Variants in TPO observed in about 807,000 individuals in gnomAD.
TPO encodes thyroid microsomal antigen.
TPO carries 78 observed loss-of-function variants against 96.9 expected under a neutral mutation model. That is an observed-to-expected ratio of 0.81 (90% CI 0.67 to 0.97). The LOEUF (loss-of-function observed/expected upper bound fraction) is 0.97, where lower values mean the gene tolerates loss of function less well. TPO is among the 50% of genes least tolerant of loss of function. TPO has a pLI of 0.00. For synonymous variants in TPO, 547 were observed against 538.0 expected (o/e 1.02, Z -0.23); for missense variants, 1,252 against 1,274.8 (o/e 0.98, Z 0.27).
chr2:1,535,841 T>C (rs1198249725), intron 15 of TPO, among the ~76,000 whole-genome samples: 2 of 75,430 alleles, frequency 2.7e-5, no homozygotes, highest in African/African-American at 6.7e-5. Context: ...CCCCAAACTG[T>C]GTGCAACCTC....
At chr2:1,495,576 G>A (rs1672237637) in intron 11 of TPO, among the ~76,000 whole-genome samples, 1 of 152,212 alleles carries the variant, frequency 6.6e-6, no homozygotes, top group Admixed American at 6.5e-5. Context: ...CAGCAATGCA[G>A]CAAAATAGAT....
intron 2 of TPO, among the ~76,000 whole-genome samples, chr2:1,416,342 G>T (rs1474916596): frequency 6.6e-6 from 1 of 152,176 alleles, no homozygotes; most frequent in Non-Finnish European, 1.5e-5. Context: ...GTAGGACCTG[G>T]TTGTATAAAA....
intron 15 of TPO, among the ~76,000 whole-genome samples, chr2:1,540,186 G>A (rs1680570598): frequency 6.6e-6 from 1 of 152,106 alleles, no homozygotes; most frequent in Non-Finnish European, 1.5e-5. Flanking sequence ...TCAGGTTGAA[G>A]ATGCTGTTGG....
intron 5 of TPO, among the ~76,000 whole-genome samples, chr2:1,443,467 T>C (rs570217268): frequency 6.7e-6 from 1 of 149,730 alleles, no homozygotes; most frequent in South Asian, 2.1e-4. Flanking sequence ...ATCCAGTCAT[T>C]GTTGCAGGAG....
chr2:1,375,121 A>G (rs958728524), intron 1 of TPO, among the ~76,000 whole-genome samples: 2 of 109,758 alleles, frequency 1.8e-5, no homozygotes, highest in Non-Finnish European at 4.6e-5. Flanking sequence ...TTTAAAATTT[A>G]AAAAGGGAAA....
At chr2:1,453,601 AT>A in intron 5 of TPO, 92 bp from the exon 6 acceptor site, 3 of 1,604,848 alleles carry the variant, frequency 1.9e-6, no homozygotes, top group Non-Finnish European at 2.6e-6. Flanking sequence ...GACCCCACTT[AT>A]TCTCCCTGAG....
intron 2 of TPO, among the ~76,000 whole-genome samples, chr2:1,419,929 G>C (rs1041791430): frequency 6.6e-6 from 1 of 152,128 alleles, no homozygotes. Context: ...GGAGAGAAAA[G>C]GTTTCTTCTT....
At chr2:1,381,751 A>G (rs1404264699) in intron 1 of TPO, among the ~76,000 whole-genome samples, 1 of 152,238 alleles carries the variant, frequency 6.6e-6, no homozygotes, top group Non-Finnish European at 1.5e-5. Context: ...TAAGTGAAGA[A>G]TTAAATGTGC....
chr2:1,466,942 T>C (rs1426009635), intron 7 of TPO, among the ~76,000 whole-genome samples: 2 of 152,170 alleles, frequency 1.3e-5, no homozygotes, highest in African/African-American at 4.8e-5. Flanking sequence ...TTTGGTTTGT[T>C]CTTGTTTCTC....
At chr2:1,513,240 C>T (rs1416205082) in intron 14 of TPO, among the ~76,000 whole-genome samples, 9 of 152,246 alleles carry the variant, frequency 5.9e-5, no homozygotes, top group Admixed American at 5.2e-4. Context: ...AGGGTGGACA[C>T]AGACAGCAGC....
intron 2 of TPO, 103 bp downstream of exon 2, chr2:1,414,605 C>T: frequency 9.5e-7 from 1 of 1,052,022 alleles, no homozygotes; most frequent in African/African-American, 1.6e-5. Flanking sequence ...ACTTTAGGCC[C>T]CTGTAGTGTA....
At chr2:1,539,335 G>A (rs1320162419) in intron 15 of TPO, among the ~76,000 whole-genome samples, 5 of 152,134 alleles carry the variant, frequency 3.3e-5, no homozygotes, top group African/African-American at 1.2e-4. Context: ...CCCACTTTAC[G>A]AATGAGAAAA....
At chr2:1,520,810 A>T (rs1486363736) in intron 15 of TPO, among the ~76,000 whole-genome samples, 1 of 152,236 alleles carries the variant, frequency 6.6e-6, no homozygotes, top group Non-Finnish European at 1.5e-5. Context: ...TTTGCCAATT[A>T]GACCTTTCGC....
chr2:1,478,249 T>G (rs540012307), intron 8 of TPO: 2 of 985,464 alleles, frequency 2.0e-6, no homozygotes, highest in Admixed American at 1.2e-4. Context: ...AAAGCACTTA[T>G]GCACCTGGAA....
At chr2:1,419,843 C>T (rs1275809813) in intron 2 of TPO, among the ~76,000 whole-genome samples, 1 of 152,240 alleles carries the variant, frequency 6.6e-6, no homozygotes, top group African/African-American at 2.4e-5. Context: ...CTAATAACCC[C>T]TGTGAGTTTT....
intron 14 of TPO, among the ~76,000 whole-genome samples, chr2:1,511,158 G>T (rs1242545677): frequency 1.3e-5 from 2 of 151,984 alleles, no homozygotes; most frequent in Non-Finnish European, 2.9e-5. Context: ...ATTTCCTGGG[G>T]GTGCCACAGC....
intron 1 of TPO, among the ~76,000 whole-genome samples, chr2:1,386,132 A>T: frequency 6.6e-6 from 1 of 152,176 alleles, no homozygotes; most frequent in Non-Finnish European, 1.5e-5. Context: ...TTTACTTCCA[A>T]CTATGTGGTC....
chr2:1,403,043 C>T (rs1004431696), intron 1 of TPO, among the ~76,000 whole-genome samples: 3 of 152,202 alleles, frequency 2.0e-5, no homozygotes, highest in South Asian at 2.1e-4. Flanking sequence ...ACTTAACCTG[C>T]GTTTCCTGTA....
intron 13 of TPO, among the ~76,000 whole-genome samples, chr2:1,499,204 G>A (rs1672638205): frequency 6.6e-6 from 1 of 151,996 alleles, no homozygotes; most frequent in Admixed American, 6.6e-5. Context: ...GCTGCCCCCT[G>A]TGCGCGTGCC....
Sources: gnomAD v4.1 joint callset for allele counts (sites outside exome capture counted in the v4.1 genomes callset) on GRCh38, gnomAD v4.1.1 for gene constraint, MANE v1.5 for transcripts, NCBI Gene and HGNC (gene_info 2026-07-23, HGNC 2026-07-21) for gene names.